Variants in LRRTM4 observed in about 807,000 individuals in gnomAD.
LRRTM4 encodes leucine rich repeat transmembrane neuronal 4.
Under a neutral mutation model 47.6 loss-of-function variants are expected in LRRTM4, and 25 were observed. The ratio of observed to expected loss-of-function variants is 0.53; its 90% confidence interval spans 0.38 to 0.73. LRRTM4 has a LOEUF of 0.73. Among genes scored for constraint, LRRTM4 ranks in the 30% least tolerant of loss-of-function variants. The pLI is 0.00. For missense variants in LRRTM4, 638 were observed against 713.4 expected (o/e 0.89, Z 1.20); for synonymous variants, 311 against 269.5 (o/e 1.15, Z -1.51).
chr2:76,876,487 T>C (rs548598802), intron 3 of LRRTM4, among the ~76,000 whole-genome samples: 2 of 149,204 alleles, frequency 1.3e-5, no homozygotes, highest in African/African-American at 5.1e-5. Flanking sequence ...TCTTTCCCCT[T>C]GGATAAAAAT....
chr2:77,387,470 G>A lies in LRRTM4; in HGVS notation c.1551+130848C>T, dbSNP rs117570049. 1.3e-3 allele frequency among the ~76,000 whole-genome samples: 195 copies of A among 152,242 alleles called. 4 individuals carry two copies. In the East Asian group the frequency reaches 0.029, roughly 23 times the overall value. On this transcript the variant is annotated intron_variant, in intron 3 of 3. Coordinates refer to ENST00000409884, the MANE Select transcript of LRRTM4 (RefSeq NM_001134745.3). ...GGTTTGCTAGCAGCCCTCTTTACAAGGCTGGGGTTTCTTACACTCAAGGTC... is the reference window on the plus strand; with the variant it reads ...GGTTTGCTAGCAGCCCTCTTTACAAAGCTGGGGTTTCTTACACTCAAGGTC...
At chr2:77,362,701 G>T (rs1206985018) in intron 3 of LRRTM4, among the ~76,000 whole-genome samples, 1 of 152,090 alleles carries the variant, frequency 6.6e-6, no homozygotes, top group Non-Finnish European at 1.5e-5. Context: ...AACTGGCTCT[G>T]TCCTTTCATC....
At chr2:77,055,706 C>T (rs1185012898) in intron 3 of LRRTM4, among the ~76,000 whole-genome samples, 3 of 151,892 alleles carry the variant, frequency 2.0e-5, no homozygotes, top group Admixed American at 6.6e-5. Flanking sequence ...ACCCAAAGGA[C>T]TATAAATCAT....
intron 3 of LRRTM4, among the ~76,000 whole-genome samples, chr2:76,915,327 A>G (rs1463070599): frequency 6.6e-6 from 1 of 152,192 alleles, no homozygotes; most frequent in East Asian, 1.9e-4. Flanking sequence ...AGTCCTACCA[A>G]TCACAGCGAT....
chr2:76,842,144 G>C (rs1368012831), intron 3 of LRRTM4, among the ~76,000 whole-genome samples: 2 of 152,174 alleles, frequency 1.3e-5, no homozygotes, highest in Non-Finnish European at 2.9e-5. Context: ...AATCAGCCGA[G>C]GGCCTGAAGA....
chr2:77,400,306 C>G (rs1408723916), intron 3 of LRRTM4, among the ~76,000 whole-genome samples: 1 of 151,752 alleles, frequency 6.6e-6, no homozygotes, highest in African/African-American at 2.4e-5. Context: ...ACAATTTGCT[C>G]TAATGACTAC....
At chr2:77,035,962 C>T (rs1403799994) in intron 3 of LRRTM4, among the ~76,000 whole-genome samples, 1 of 151,828 alleles carries the variant, frequency 6.6e-6, no homozygotes, top group Non-Finnish European at 1.5e-5. Context: ...CCATACCTCT[C>T]TAGAGTGTTA....
intron 3 of LRRTM4, among the ~76,000 whole-genome samples, chr2:76,944,925 A>T (rs1035294412): frequency 2.0e-5 from 3 of 152,116 alleles, no homozygotes; most frequent in African/African-American, 7.2e-5. Flanking sequence ...AGGTATAAGA[A>T]GGAAGATGAC....
intron 3 of LRRTM4, among the ~76,000 whole-genome samples, chr2:77,489,680 C>A (rs940774900): frequency 6.6e-6 from 1 of 152,122 alleles, no homozygotes; most frequent in Non-Finnish European, 1.5e-5. Flanking sequence ...TTACAACATG[C>A]AAGAATTGTA....
intron 3 of LRRTM4, among the ~76,000 whole-genome samples, chr2:77,033,095 A>C (rs1407339359): frequency 6.6e-6 from 1 of 152,082 alleles, no homozygotes; most frequent in African/African-American, 2.4e-5. Flanking sequence ...AAATAGCTGA[A>C]AAACTGCAGC....
intron 3 of LRRTM4, among the ~76,000 whole-genome samples, chr2:77,075,508 G>A (rs895579832): frequency 6.6e-6 from 1 of 152,018 alleles, no homozygotes; most frequent in Admixed American, 6.5e-5. Context: ...TACTACTTAG[G>A]ATCCCTTTTG....
intron 3 of LRRTM4, among the ~76,000 whole-genome samples, chr2:76,893,050 AAAC>A (rs1171154536): frequency 7.8e-6 from 1 of 128,216 alleles, no homozygotes; most frequent in Non-Finnish European, 1.6e-5. Flanking sequence ...TGTCAGCAGA[AAAC>A]AAGCAAAAAA....
At chr2:77,431,873 A>G (rs894271409) in intron 3 of LRRTM4, among the ~76,000 whole-genome samples, 1 of 149,672 alleles carries the variant, frequency 6.7e-6, no homozygotes, top group Admixed American at 6.6e-5. Flanking sequence ...CAAGAGATCG[A>G]GACCATCCTG....
At chr2:77,118,846 T>C (rs1671455209) in intron 3 of LRRTM4, among the ~76,000 whole-genome samples, 1 of 151,712 alleles carries the variant, frequency 6.6e-6, no homozygotes, top group Non-Finnish European at 1.5e-5. Flanking sequence ...AGTGAAAAAA[T>C]CTTATAAAGC....
chr2:77,091,135 T>G (rs971198202), intron 3 of LRRTM4, among the ~76,000 whole-genome samples: 1 of 151,950 alleles, frequency 6.6e-6, no homozygotes, highest in Non-Finnish European at 1.5e-5. Flanking sequence ...CTTATTAGGC[T>G]GAGACACTTT....
intron 3 of LRRTM4, among the ~76,000 whole-genome samples, chr2:77,067,060 GCA>G (rs1030389943): frequency 1.4e-4 from 22 of 152,150 alleles, no homozygotes; most frequent in African/African-American, 5.1e-4. Flanking sequence ...TTAAAGTATA[GCA>G]CATTCCCAGT....
At chr2:76,952,088 T>G (rs796772074) in intron 3 of LRRTM4, among the ~76,000 whole-genome samples, 8 of 152,148 alleles carry the variant, frequency 5.3e-5, no homozygotes, top group African/African-American at 1.9e-4. Context: ...GCAATAAACA[T>G]AGGTGTGCAT....
chr2:76,958,886 A>T (rs1363658140), intron 3 of LRRTM4, among the ~76,000 whole-genome samples: 2 of 151,628 alleles, frequency 1.3e-5, no homozygotes, highest in African/African-American at 4.8e-5. Context: ...ACCACCACCC[A>T]AGTATCTTGC....
intron 3 of LRRTM4, among the ~76,000 whole-genome samples, chr2:76,938,778 A>C (rs1675041267): frequency 6.6e-6 from 1 of 152,294 alleles, no homozygotes; most frequent in East Asian, 1.9e-4. Flanking sequence ...TTTATAATAT[A>C]TCACTGAAAA....
Sources: allele counts gnomAD v4.1 joint callset (sites outside exome capture counted in the v4.1 genomes callset), GRCh38; gene constraint gnomAD v4.1.1; transcripts MANE v1.5; gene names NCBI Gene and HGNC (gene_info 2026-07-23, HGNC 2026-07-21).